Variants in FKBP1A observed in about 807,000 individuals in gnomAD.
The protein encoded by FKBP1A is FKBP prolyl isomerase 1A.
A neutral mutation model predicts 14.2 loss-of-function variants in FKBP1A; 5 were observed. The ratio of observed to expected loss-of-function variants is 0.35; its 90% CI spans 0.18 to 0.74. The LOEUF (loss-of-function observed/expected upper bound fraction) is 0.74, where lower values mean the gene tolerates loss of function less well. FKBP1A is among the 30% of genes least tolerant of loss of function. The pLI is 0.56. For missense variants in FKBP1A, 53 were observed against 138.8 expected (o/e 0.38, Z 3.10); for synonymous variants, 42 against 49.1 (o/e 0.86, Z 0.60).
At chr20:1,371,107 A>C in intron 4 of FKBP1A, 2 of 985,440 alleles carry the variant, frequency 2.0e-6, no homozygotes, top group Non-Finnish European at 1.2e-6. Flanking sequence ...CTTTCAAACA[A>C]AAGTGTCCTC....
Position 1,369,838 on chromosome 20 carries a change from C to A in FKBP1A, c.*271G>T. 3.6e-6 allele frequency: 2 copies of A among 555,116 alleles called. No individual in the cohort carries two copies. Among genetic ancestry groups the A allele is most frequent in the Non-Finnish European group, 6.1e-6 (2 of 325,992 alleles). The allele number at this position is 555,116 out of a possible 1,614,324, so 34.4% of individuals were successfully genotyped here. ...CAAAAGACTGAAACTGAATCTTCAC[C>A]CCAAAATGAAAACAAAATAAAATGA... On this transcript the variant is annotated 3_prime_UTR_variant, in exon 5 of 5. Coordinates refer to ENST00000400137, the MANE Select transcript of FKBP1A (RefSeq NM_000801.5).
At chr20:1,372,051 G>A (rs749882555) in intron 4 of FKBP1A, 25 bp downstream of exon 4, 2 of 1,605,874 alleles carry the variant, frequency 1.2e-6, no homozygotes, top group South Asian at 2.2e-5. Context: ...GCAGTGAAGG[G>A]CCCTTCAGTA....
At chr20:1,392,670 A>AG (rs2089754123) in intron 2 of FKBP1A, among the ~76,000 whole-genome samples, 164 bp downstream of exon 2, 1 of 151,936 alleles carries the variant, frequency 6.6e-6, no homozygotes. Flanking sequence ...CGCAAGCCCC[A>AG]GGCTGCCCCT....
At chr20:1,372,890 CAG>C (rs1351960041) in intron 3 of FKBP1A, among the ~76,000 whole-genome samples, 1 of 152,178 alleles carries the variant, frequency 6.6e-6, no homozygotes, top group Non-Finnish European at 1.5e-5. Flanking sequence ...AGTGAGTGAC[CAG>C]TAAGGAGAGA....
At chr20:1,372,662 C>T (rs146205769) in intron 3 of FKBP1A, among the ~76,000 whole-genome samples, 57 of 152,290 alleles carry the variant, frequency 3.7e-4, no homozygotes, top group Non-Finnish European at 7.4e-5. Context: ...AAAATATATA[C>T]ACAGGAAGTA....
intron 2 of FKBP1A, among the ~76,000 whole-genome samples, chr20:1,389,060 C>T (rs2089701893): frequency 6.6e-6 from 1 of 152,044 alleles, no homozygotes; most frequent in African/African-American, 2.4e-5. Context: ...TTTCAGAGGC[C>T]TTTTCCAATC....
rs1185881613 is a variant in FKBP1A, at chr20:1,369,629, ATCTGCTATGGC to A, written c.*469_*479del. 5.9e-6 allele frequency: 1 copy of A among 169,504 alleles called. No individual in the cohort carries two copies. Among genetic ancestry groups the A allele is most frequent in the Non-Finnish European group, 1.4e-5 (1 of 69,756 alleles). 10.5% of individuals were successfully genotyped at this position (169,504 alleles called of 1,614,324 possible). ...AATTCAGTCCTCAACAGCGCCTCAA[ATCTGCTATGGC>A]TTTGCAGCGCAGCAGCAAGAATGTT... is the stretch of plus-strand genomic sequence containing the variant. On this transcript the variant is annotated 3_prime_UTR_variant, in exon 5 of 5. Transcript: ENST00000400137.
chr20:1,369,756 T>G lies in FKBP1A; in HGVS notation c.*353A>C, dbSNP rs183005812. The G allele has an allele frequency of 7.3e-6, 2 of 272,690 alleles. No homozygotes were observed. Among genetic ancestry groups the G allele is most frequent in the Non-Finnish European group, 1.5e-5 (2 of 137,928 alleles). 16.9% of individuals were successfully genotyped at this position (272,690 alleles called of 1,614,324 possible). ...CCAACACCAATTCCTATTCTAATGT[T>G]AACCTACCACTTGTGCTGTTAATAC... On this transcript the variant is annotated 3_prime_UTR_variant, in exon 5 of 5. Coordinates refer to ENST00000400137, the MANE Select transcript of FKBP1A (RefSeq NM_000801.5).
At chr20:1,376,861 A>C (rs922061685) in intron 2 of FKBP1A, 2 of 152,248 alleles carry the variant, frequency 1.3e-5, no homozygotes, top group African/African-American at 4.8e-5. Flanking sequence ...CAGAGACGCT[A>C]TGAGAAAAGA....
At position 1,393,016 on chromosome 20, in the gene FKBP1A, A is replaced by AGCGGGCGGGCGGCGCG; in HGVS notation, c.-34_-19dup. 1 of 1,458,516 alleles carries AGCGGGCGGGCGGCGCG rather than the reference A, an allele frequency of 6.9e-7. No homozygotes were observed. Among genetic ancestry groups the AGCGGGCGGGCGGCGCG allele is most frequent in the Non-Finnish European group, 9.0e-7 (1 of 1,108,116 alleles). 90.3% of individuals were successfully genotyped at this position (1,458,516 alleles called of 1,614,324 possible). On this transcript the variant is annotated 5_prime_UTR_variant, in exon 1 of 5. Coordinates refer to ENST00000400137, the MANE Select transcript of FKBP1A (RefSeq NM_000801.5). ...ACTCCCATGGCGGCGGCGGACGCTGAGCGGGCGGGCGGCGCGACGGGCGGC... is the reference window on the plus strand; with the variant it reads ...ACTCCCATGGCGGCGGCGGACGCTGAGCGGGCGGGCGGCGCGGCGGGCGGGCGGCGCGACGGGCGGC...
chr20:1,388,364 A>C (rs1326306325), intron 2 of FKBP1A, among the ~76,000 whole-genome samples: 1 of 152,230 alleles, frequency 6.6e-6, no homozygotes, highest in Non-Finnish European at 1.5e-5. Flanking sequence ...TTCTAGACTG[A>C]GATTACAGAC....
At chr20:1,372,897 G>A (rs915752893) in intron 3 of FKBP1A, among the ~76,000 whole-genome samples, 12 of 152,222 alleles carry the variant, frequency 7.9e-5, no homozygotes, top group South Asian at 2.1e-4. Flanking sequence ...GACCAGTAAG[G>A]AGAGATTTCT....
chr20:1,371,908 A>T (rs2089470154), intron 4 of FKBP1A, 168 bp downstream of exon 4: 3 of 1,377,756 alleles, frequency 2.2e-6, no homozygotes, highest in East Asian at 2.7e-5. Flanking sequence ...CAATTTTTAC[A>T]TTCAAAGCAT....
chr20:1,380,545 G>C (rs2089606014), intron 2 of FKBP1A, among the ~76,000 whole-genome samples: 1 of 152,114 alleles, frequency 6.6e-6, no homozygotes. Context: ...GCCTATAGTA[G>C]GAAATAATCA....
intron 2 of FKBP1A, among the ~76,000 whole-genome samples, chr20:1,380,202 C>CT (rs1449720633): frequency 2.0e-5 from 3 of 151,998 alleles, no homozygotes; most frequent in African/African-American, 7.3e-5. Context: ...ACATGGGAAA[C>CT]AAGGGCAGCC....
intron 2 of FKBP1A, among the ~76,000 whole-genome samples, chr20:1,391,203 G>A (rs1173253061): frequency 1.3e-5 from 2 of 152,170 alleles, no homozygotes; most frequent in Non-Finnish European, 2.9e-5. Flanking sequence ...TGGGGAGGGG[G>A]TGCGGCAGAA....
At position 1,383,348 on chromosome 20, in the gene FKBP1A, T is replaced by TA. The variant is rs60028971; in HGVS notation, c.86-7746dup. Among the ~76,000 whole-genome samples, 70 of 145,578 alleles carry TA rather than the reference T, an allele frequency of 4.8e-4. 1 individual carries two copies. The highest frequency in any genetic ancestry group is 1.4e-3 in the Admixed American group (20 of 14,584). On this transcript the variant is annotated intron_variant, in intron 2 of 4. Coordinates refer to ENST00000400137, the MANE Select transcript of FKBP1A (RefSeq NM_000801.5). ...GACAAAATATGGGAAGTTTTAAGAT[T>TA]AAAAAAAAAAAAATGACTAAACTAA... is the stretch of plus-strand genomic sequence containing the variant.
intron 2 of FKBP1A, among the ~76,000 whole-genome samples, chr20:1,376,489 G>A (rs2089546029): frequency 6.6e-6 from 1 of 152,174 alleles, no homozygotes; most frequent in Non-Finnish European, 1.5e-5. Context: ...TACTAAGGAG[G>A]TTGCAGTGGT....
chr20:1,384,138 A>G (rs1489348596), intron 2 of FKBP1A, among the ~76,000 whole-genome samples: 2 of 152,148 alleles, frequency 1.3e-5, no homozygotes, highest in Admixed American at 1.3e-4. Context: ...TCATTCCCAT[A>G]TGAGTTCTGT....
Sources: allele counts gnomAD v4.1 joint callset (sites outside exome capture counted in the v4.1 genomes callset), GRCh38; gene constraint gnomAD v4.1.1; transcripts MANE v1.5; gene names NCBI Gene and HGNC (gene_info 2026-07-23, HGNC 2026-07-21).